KHDRBS2: variants seen among roughly 807,000 people sequenced by gnomAD.
KHDRBS2 encodes the protein KH RNA binding domain containing, signal transduction associated 2, also known as KH domain-containing, RNA-binding, signal transduction-associated protein 2.
A neutral mutation model predicts 44.3 loss-of-function variants in KHDRBS2; 26 were observed. The observed-to-expected ratio is 0.59, with a 90% CI of 0.43 to 0.81. The LOEUF (loss-of-function observed/expected upper bound fraction) is 0.81, where lower values mean the gene tolerates loss of function less well. Ranked by LOEUF, KHDRBS2 falls within the 40% of genes least tolerant of loss-of-function variation. The pLI is 0.00. For missense variants in KHDRBS2, 476 were observed against 433.1 expected, an observed-to-expected ratio of 1.10 and a Z score of -0.88; for synonymous variants, 194 against 151.1, an observed-to-expected ratio of 1.28 and a Z score of -2.08.
chr6:61,592,432 A>G, the KHDRBS2 span, among the ~76,000 whole-genome samples: 1 of 152,170 alleles, frequency 6.6e-6, no homozygotes, highest in Non-Finnish European at 1.5e-5. Flanking sequence ...ATGCAGATGA[A>G]GCCTCACAGG....
In KHDRBS2 at chr6:62,117,077, T is replaced by A. The variant is rs369391872; in HGVS notation, c.219+60108A>T. On this transcript the variant is annotated intron_variant, in intron 2 of 8. Transcript: ENST00000281156. ...CAATAAATATGGGAGTGCAGATATC[T>A]CTTCAATATACCGATCTTCTTTTAG... 2.1e-3 allele frequency among the ~76,000 whole-genome samples: 322 copies of A among 152,302 alleles called. 2 individuals carry two copies. The highest frequency in any genetic ancestry group is 7.5e-3 in the African/African-American group (313 of 41,584).
chr6:61,956,050 G>A (rs1205086247), intron 4 of KHDRBS2, among the ~76,000 whole-genome samples: 1 of 151,942 alleles, frequency 6.6e-6, no homozygotes, highest in Non-Finnish European at 1.5e-5. Flanking sequence ...AAAATTAGCT[G>A]GGCGTGGTGG....
chr6:62,243,293 T>C (rs547432270), intron 1 of KHDRBS2, among the ~76,000 whole-genome samples: 1 of 152,236 alleles, frequency 6.6e-6, no homozygotes, highest in South Asian at 2.1e-4. Flanking sequence ...TCTATATGCT[T>C]CTATAATGGT....
chr6:62,159,552 T>C (rs1817179245), intron 2 of KHDRBS2, among the ~76,000 whole-genome samples: 1 of 152,094 alleles, frequency 6.6e-6, no homozygotes. Flanking sequence ...GAGAAGAGAC[T>C]ACATAATTAA....
the KHDRBS2 span, among the ~76,000 whole-genome samples, chr6:61,625,928 G>T: frequency 6.6e-6 from 1 of 152,046 alleles, no homozygotes; most frequent in African/African-American, 2.4e-5. Context: ...CCATGGAATT[G>T]TGAATAATTT....
the KHDRBS2 span, among the ~76,000 whole-genome samples, chr6:61,631,399 T>C: frequency 6.9e-5 from 10 of 144,898 alleles, no homozygotes; most frequent in East Asian, 2.1e-3. Flanking sequence ...GGGAGAGGCA[T>C]ACCTAACCCA....
intron 1 of KHDRBS2, among the ~76,000 whole-genome samples, chr6:62,215,984 A>G (rs1281417097): frequency 6.6e-6 from 1 of 151,822 alleles, no homozygotes; most frequent in African/African-American, 2.4e-5. Context: ...ATTCAGAAAT[A>G]ACACCTATAA....
At position 62,127,484 on chromosome 6, in the gene KHDRBS2, T is replaced by C. The variant is rs1414474696; in HGVS notation, c.219+49701A>G. ...TGGTCAAATAAAATAATCCTTACTT[T>C]AAAATCTCAATAATATATTAATAGG... On this transcript the variant is annotated intron_variant, in intron 2 of 8. Coordinates refer to ENST00000281156, the MANE Select transcript of KHDRBS2 (RefSeq NM_152688.4). Among the ~76,000 whole-genome samples, 8 of 152,232 alleles carry C rather than the reference T, an allele frequency of 5.3e-5. No individual in the cohort carries two copies. The East Asian group carries it at 1.4e-3, about 26-fold the overall frequency.
chr6:61,955,366 A>T (rs188760571), intron 4 of KHDRBS2, among the ~76,000 whole-genome samples: 1 of 121,136 alleles, frequency 8.3e-6, no homozygotes, highest in Non-Finnish European at 1.7e-5. Context: ...ATGTATACAT[A>T]TACGTGTATA....
In KHDRBS2 at chr6:61,978,132, A is replaced by C. The variant is rs199618992; in HGVS notation, c.417T>G (p.Ala139=). The C allele has an allele frequency of 1.5e-4, 243 of 1,612,078 alleles. No homozygotes were observed. The East Asian group carries it at 4.7e-3, about 31-fold the overall frequency. ...TACGTGAATAAGCTTCCCCAGGTGG[A>C]GCAAACACTTCAATTAATACATGAA... ...DELHVLIEVF[A]PPGEAYSRMS... is the part of the protein sequence containing the mutation. Residue 139 remains alanine, a synonymous_variant, in exon 4 of 9, where the codon GCT becomes GCG. Transcript: ENST00000281156.
chr6:61,624,059 G>A, the KHDRBS2 span, among the ~76,000 whole-genome samples: 1 of 152,296 alleles, frequency 6.6e-6, no homozygotes, highest in Non-Finnish European at 1.5e-5. Context: ...TAAAGACAAG[G>A]AGGTCTGGGG....
chr6:61,942,006 G>A (rs1332103382), intron 4 of KHDRBS2, among the ~76,000 whole-genome samples: 1 of 152,012 alleles, frequency 6.6e-6, no homozygotes, highest in East Asian at 1.9e-4. Flanking sequence ...TGTGACCCAG[G>A]CTGGAGTGCA....
chr6:61,960,237 C>G (rs1394638924), intron 4 of KHDRBS2, among the ~76,000 whole-genome samples: 1 of 152,066 alleles, frequency 6.6e-6, no homozygotes. Flanking sequence ...AGTACCTATT[C>G]TCTTGTCCTT....
intron 3 of KHDRBS2, among the ~76,000 whole-genome samples, chr6:62,039,399 T>A (rs1292227551): frequency 6.6e-6 from 1 of 151,868 alleles, no homozygotes; most frequent in Non-Finnish European, 1.5e-5. Flanking sequence ...AATTCATATA[T>A]ATGTATGTAT....
intron 6 of KHDRBS2, among the ~76,000 whole-genome samples, chr6:61,799,037 A>G (rs1582900443): frequency 6.6e-6 from 1 of 152,024 alleles, no homozygotes; most frequent in East Asian, 1.9e-4. Flanking sequence ...ACTAGTCTGG[A>G]CTTGAAGCAT....
intron 6 of KHDRBS2, among the ~76,000 whole-genome samples, chr6:61,746,118 G>T (rs997839871): frequency 4.6e-5 from 7 of 151,974 alleles, no homozygotes; most frequent in Non-Finnish European, 1.5e-5. Context: ...AGAATGTGAA[G>T]GTTTGTTACA....
chr6:62,001,183 C>A (rs1778170987), intron 3 of KHDRBS2, among the ~76,000 whole-genome samples: 2 of 152,040 alleles, frequency 1.3e-5, no homozygotes, highest in South Asian at 2.1e-4. Flanking sequence ...GAGCAAAGTC[C>A]TTAAAGAATA....
At chr6:62,119,219 C>T (rs1036459676) in intron 2 of KHDRBS2, among the ~76,000 whole-genome samples, 11 of 152,136 alleles carry the variant, frequency 7.2e-5, no homozygotes, top group African/African-American at 2.4e-4. Context: ...GAGGGATATG[C>T]AAAATTAATG....
chr6:61,715,033 T>A (rs1052299552), intron 7 of KHDRBS2, among the ~76,000 whole-genome samples: 4 of 151,762 alleles, frequency 2.6e-5, no homozygotes, highest in Non-Finnish European at 4.4e-5. Flanking sequence ...ATAGAACAAA[T>A]CTATGCATAG....
Sources: allele counts gnomAD v4.1 joint callset (sites outside exome capture counted in the v4.1 genomes callset), GRCh38; gene constraint gnomAD v4.1.1; transcripts MANE v1.5; gene names NCBI Gene and HGNC (gene_info 2026-07-23, HGNC 2026-07-21).